Variants in USP8 observed in about 807,000 individuals in gnomAD.
USP8 encodes ubiquitin carboxyl-terminal hydrolase 8.
USP8 carries 27 observed loss-of-function variants against 130.0 expected under a neutral mutation model. The observed-to-expected ratio is 0.21, with a 90% CI of 0.15 to 0.29. The LOEUF (loss-of-function observed/expected upper bound fraction) is 0.29. Ranked by LOEUF, USP8 falls within the 10% of genes least tolerant of loss-of-function variation. USP8 has a pLI of 1.00. For missense variants in USP8, 1,029 were observed against 1,312.2 expected (o/e 0.78, Z 3.33); for synonymous variants, 392 against 444.1 (o/e 0.88, Z 1.48).
rs748300775 is a variant in USP8 at position 50,481,626 on chromosome 15, T to G, written c.1364T>G (p.Leu455Arg). The G allele has an allele frequency of 1.2e-6, 2 of 1,613,844 alleles. No homozygotes were observed. The highest frequency in any genetic ancestry group is 2.2e-5 in the East Asian group (1 of 44,872). ...STKPVVFSPT[L>R]MLTDEEKARI... is the part of the protein sequence containing the mutation. ...AAGCCAGTAGTTTTTTCTCCAACTC[T>G]CATGTTAACAGATGAAGAAAAGGCT... The change falls in exon 11 of 20, where the codon CTC (leucine) becomes CGC (arginine). Residue 455 changes from leucine (L) to arginine (R), a missense_variant. Physicochemically the swap from Leu to Arg is moderately radical, Grantham distance 102. Around this residue, in one of 4 missense-constraint regions of USP8, gnomAD observed 486 missense variants for 522.0 expected, o/e 0.93. Coordinates refer to ENST00000307179, the MANE Select transcript of USP8 (RefSeq NM_005154.5).
intron 1 of USP8, among the ~76,000 whole-genome samples, chr15:50,433,228 C>T (rs367871798): frequency 2.0e-5 from 3 of 147,190 alleles, no homozygotes; most frequent in East Asian, 1.9e-4. Context: ...AGTGAGACTC[C>T]GTCTCCAAAA....
Position 50,476,484 on chromosome 15 carries a change from A to G in USP8, c.850-365A>G, listed in dbSNP as rs185678275. Among the ~76,000 whole-genome samples the G allele has an allele frequency of 9.2e-4, 140 of 152,360 alleles. 1 individual carries two copies. Among genetic ancestry groups the G allele is most frequent in the Middle Eastern group, 3.4e-3 (1 of 294 alleles). On this transcript the variant is annotated intron_variant, in intron 8 of 19. Coordinates refer to ENST00000307179, the MANE Select transcript of USP8 (RefSeq NM_005154.5). ...GCATTGCAAATGATGATATAGCTCT[A>G]TAGTGATGAAAGATGTTCATAGAAA...
rs1173342442 is a variant in USP8, at chr15:50,449,390, A to G, written c.250-10A>G. The G allele has an allele frequency of 3.9e-6, 6 of 1,554,256 alleles. No individual in the cohort carries two copies. Among genetic ancestry groups the G allele is most frequent in the Non-Finnish European group, 5.2e-6 (6 of 1,148,324 alleles). ...ACTAACAATATGGGATGGTTTTCCTATAATTTTAGGATTATTTCCATTCAA... is the reference window on the plus strand; with the variant it reads ...ACTAACAATATGGGATGGTTTTCCTGTAATTTTAGGATTATTTCCATTCAA... On this transcript the variant is annotated splice_polypyrimidine_tract_variant and intron_variant, in intron 3 of 19. Coordinates refer to ENST00000307179, the MANE Select transcript of USP8 (RefSeq NM_005154.5).
intron 5 of USP8, 148 bp from the exon 6 acceptor site, chr15:50,462,132 A>AC: frequency 1.7e-6 from 1 of 579,300 alleles, no homozygotes; most frequent in Non-Finnish European, 3.0e-6. Flanking sequence ...TTTTAATATC[A>AC]TTATTATTCG....
At chr15:50,483,515 C>T (rs2051845990) in intron 11 of USP8, among the ~76,000 whole-genome samples, 1 of 152,176 alleles carries the variant, frequency 6.6e-6, no homozygotes, top group Admixed American at 6.5e-5. Context: ...AATCTACGGG[C>T]CGGGCGCGTT....
chr15:50,491,681 A>C (rs1043586684), intron 14 of USP8, among the ~76,000 whole-genome samples: 1 of 152,238 alleles, frequency 6.6e-6, no homozygotes, highest in Non-Finnish European at 1.5e-5. Flanking sequence ...ATCAGTTAAG[A>C]TTTTCCTTAT....
At chr15:50,424,611 G>A (rs1448997452) in intron 1 of USP8, 97 bp downstream of exon 1, 3 of 397,662 alleles carry the variant, frequency 7.5e-6, no homozygotes, top group South Asian at 2.7e-4. Flanking sequence ...GGTTACCCCG[G>A]AGACAAGCTC....
chr15:50,465,402 AAG>A (rs1566863433), intron 7 of USP8, among the ~76,000 whole-genome samples: 1 of 152,136 alleles, frequency 6.6e-6, no homozygotes, highest in Non-Finnish European at 1.5e-5. Context: ...AGGCAAAAGA[AAG>A]AGAAAGAAGA....
At chr15:50,470,123 G>A (rs958808685) in intron 7 of USP8, among the ~76,000 whole-genome samples, 5 of 152,102 alleles carry the variant, frequency 3.3e-5, no homozygotes, top group African/African-American at 7.2e-5. Context: ...GTGAGCCACC[G>A]CGTCCAGCTG....
At chr15:50,436,798 T>G (rs1343580186) in intron 1 of USP8, among the ~76,000 whole-genome samples, 1 of 152,176 alleles carries the variant, frequency 6.6e-6, no homozygotes, top group Admixed American at 6.5e-5. Context: ...GCCTCCCAAG[T>G]AGCTGGGATT....
intron 5 of USP8, 34 bp downstream of exon 5, chr15:50,459,196 G>C: frequency 6.4e-7 from 1 of 1,572,962 alleles, no homozygotes; most frequent in Non-Finnish European, 8.6e-7. Context: ...TTAAAAGACT[G>C]TTTCTGCTTG....
chr15:50,482,434 A>T (rs1414008841), intron 11 of USP8, among the ~76,000 whole-genome samples: 1 of 152,230 alleles, frequency 6.6e-6, no homozygotes, highest in Admixed American at 6.5e-5. Flanking sequence ...TATTTGTATG[A>T]TAGAATTTAT....
intron 4 of USP8, among the ~76,000 whole-genome samples, chr15:50,456,373 C>T (rs2141274647): frequency 6.7e-6 from 1 of 148,198 alleles, no homozygotes; most frequent in African/African-American, 2.5e-5. Flanking sequence ...AGTTCAAGAC[C>T]GGCCTAGCCA....
At chr15:50,427,799 T>C (rs2049791986) in intron 1 of USP8, among the ~76,000 whole-genome samples, 1 of 151,888 alleles carries the variant, frequency 6.6e-6, no homozygotes. Flanking sequence ...CCTCAGGTGA[T>C]CTGCCCGCCT....
intron 7 of USP8, among the ~76,000 whole-genome samples, chr15:50,470,753 C>T (rs535839293): frequency 6.6e-6 from 1 of 152,214 alleles, no homozygotes; most frequent in African/African-American, 2.4e-5. Context: ...GCGCCTGCCA[C>T]CATGCCCGGC....
chr15:50,459,421 T>C (rs1351016714), intron 5 of USP8, among the ~76,000 whole-genome samples: 1 of 152,028 alleles, frequency 6.6e-6, no homozygotes, highest in Non-Finnish European at 1.5e-5. Context: ...CCGACTCTAC[T>C]AAAAATACAA....
Position 50,463,828 on chromosome 15 carries a change from T to A in USP8, c.542-1219T>A, listed in dbSNP as rs532891268. On this transcript the variant is annotated intron_variant, in intron 6 of 19. Transcript: ENST00000307179. Reference sequence around the variant, plus strand: ...GCTTATTATATAATCTCAACTCTCTTGTAGTGCCTTTTAATCTTTCACTTC... The same window carrying A: ...GCTTATTATATAATCTCAACTCTCTAGTAGTGCCTTTTAATCTTTCACTTC... Among the ~76,000 whole-genome samples, 24 of 152,332 alleles carry A rather than the reference T, an allele frequency of 1.6e-4. No individual in the cohort carries two copies. The East Asian group carries it at 4.6e-3, about 29-fold the overall frequency.
chr15:50,498,349 T>A (rs1160220685), intron 18 of USP8: 2 of 399,040 alleles, frequency 5.0e-6, no homozygotes, highest in Non-Finnish European at 8.8e-6. Flanking sequence ...CAGAGTATAG[T>A]CCTACCTCTA....
At position 50,492,707 on chromosome 15, in the gene USP8, A is replaced by G. The variant is rs763043998; in HGVS notation, c.2241A>G (p.Thr747=). The change falls in exon 15 of 20, where the codon ACA becomes ACG. Residue 747 remains threonine (T), a synonymous_variant. Coordinates refer to ENST00000307179, the MANE Select transcript of USP8 (RefSeq NM_005154.5). ...TATCCTTTTTCTTCCTCAGGCCAACATGTTATCCTAAAGCTGAGATCTCAA... is the reference window on the plus strand; with the variant it reads ...TATCCTTTTTCTTCCTCAGGCCAACGTGTTATCCTAAAGCTGAGATCTCAA... The part of the protein sequence containing the change: ...TPTVNRENKP[T]CYPKAEISRL... 70 of 1,613,316 alleles carry G rather than the reference A, an allele frequency of 4.3e-5. No individual in the cohort carries two copies. Among genetic ancestry groups the G allele is most frequent in the Non-Finnish European group, 5.5e-5 (65 of 1,179,984 alleles).
Sources: allele counts gnomAD v4.1 joint callset (sites outside exome capture counted in the v4.1 genomes callset), GRCh38; gene constraint gnomAD v4.1.1; regional missense constraint gnomAD v4.1.1; transcripts MANE v1.5; gene names NCBI Gene and HGNC (gene_info 2026-07-23, HGNC 2026-07-21).